STIM1: variants seen among roughly 807,000 people sequenced by gnomAD.
STIM1 encodes the protein stromal interaction molecule 1.
Under a neutral mutation model 74.7 loss-of-function variants are expected in STIM1, and 25 were observed. The ratio of observed to expected loss-of-function variants is 0.33; its 90% CI spans 0.24 to 0.47. STIM1 has a LOEUF of 0.47. Among genes scored for constraint, STIM1 ranks in the 20% least tolerant of loss-of-function variants. The pLI, the probability that STIM1 is intolerant of heterozygous loss-of-function variation, is 1.00. For synonymous variants in STIM1, 328 were observed against 348.8 expected (o/e 0.94, Z 0.66); for missense variants, 728 against 920.8 (o/e 0.79, Z 2.71).
intron 4 of STIM1, among the ~76,000 whole-genome samples, chr11:4,057,762 C>T (rs1310508407): frequency 2.0e-5 from 3 of 150,520 alleles, no homozygotes; most frequent in Non-Finnish European, 2.9e-5. Context: ...CCCAGCTACT[C>T]GGGAGGCTGA....
intron 1 of STIM1, among the ~76,000 whole-genome samples, chr11:3,875,658 C>T (rs1375521701): frequency 2.0e-5 from 3 of 150,416 alleles, no homozygotes; most frequent in Non-Finnish European, 4.4e-5. Flanking sequence ...CCTGGGAGGC[C>T]GAGGCTAAAT....
intron 2 of STIM1, among the ~76,000 whole-genome samples, chr11:4,021,728 GA>G (rs748355295): frequency 6.6e-6 from 1 of 152,060 alleles, no homozygotes. Flanking sequence ...GAATGTCACT[GA>G]AATTTAGATA....
chr11:3,971,413 T>C (rs1047368548), intron 2 of STIM1, among the ~76,000 whole-genome samples: 54 of 152,048 alleles, frequency 3.6e-4, no homozygotes, highest in African/African-American at 5.3e-4. Context: ...CCTGTAGTCC[T>C]AGCTACTCTG....
At chr11:3,982,210 A>G (rs1216980772) in intron 2 of STIM1, among the ~76,000 whole-genome samples, 1 of 151,650 alleles carries the variant, frequency 6.6e-6, no homozygotes, top group Non-Finnish European at 1.5e-5. Flanking sequence ...TATTTTTTGT[A>G]GAGACGGGGT....
At chr11:3,928,297 C>T (rs11030286) in intron 1 of STIM1, among the ~76,000 whole-genome samples, 6,429 of 151,088 alleles carry the variant, frequency 0.043, 256 homozygotes, top group East Asian at 0.18. Context: ...GCAATCTCGG[C>T]TCAGTGCAAC....
chr11:4,091,845 TTC>T lies in STIM1; in HGVS notation c.*49_*50del, dbSNP rs771327026. The T allele has an allele frequency of 8.8e-6, 14 of 1,597,974 alleles. No homozygotes were observed. Among genetic ancestry groups the T allele is most frequent in the Non-Finnish European group, 1.1e-5 (13 of 1,179,238 alleles). ...GGGACAGCTTGTCCTTCCCTGGGTGTTCTGTCTCTCCTTCCCTCCCTTCCTTC... is the reference window on the plus strand; with the variant it reads ...GGGACAGCTTGTCCTTCCCTGGGTGTTGTCTCTCCTTCCCTCCCTTCCTTC... On this transcript the variant is annotated 3_prime_UTR_variant, in exon 13 of 13. Transcript: ENST00000526596.
At chr11:3,934,975 G>C (rs561603049) in intron 1 of STIM1, among the ~76,000 whole-genome samples, 1 of 152,354 alleles carries the variant, frequency 6.6e-6, no homozygotes, top group East Asian at 1.9e-4. Context: ...AGTGCAAGGT[G>C]AGCAAATGGA....
At chr11:3,896,120 G>A (rs1428584074) in intron 1 of STIM1, among the ~76,000 whole-genome samples, 2 of 151,862 alleles carry the variant, frequency 1.3e-5, no homozygotes, top group African/African-American at 4.8e-5. Flanking sequence ...TAGCCAGGAC[G>A]GTCTTGATCT....
rs1355510063 is a variant in STIM1, at chr11:4,086,483, G to A, written c.1574G>A (p.Ser525Asn). 1.2e-6 allele frequency: 2 copies of A among 1,613,910 alleles called. No individual in the cohort carries two copies. Among genetic ancestry groups the A allele is most frequent in the Non-Finnish European group, 1.7e-6 (2 of 1,180,006 alleles). ...DQSLWKYPAP[S>N]LQSSVRQRLT... is the part of the protein sequence containing the mutation. ...TTCTTTATTCTCCTTGCAGCCCCTA[G>A]CCTGCAGAGCAGTGTTCGGCAGCGC... Residue 525 changes from serine (S) to asparagine (N), a missense_variant, in exon 12 of 13, where the codon AGC becomes AAC. Coordinates refer to ENST00000526596, the MANE Select transcript of STIM1 (RefSeq NM_001382567.1).
At chr11:4,041,248 C>G (rs2094144727) in intron 3 of STIM1, among the ~76,000 whole-genome samples, 1 of 152,170 alleles carries the variant, frequency 6.6e-6, no homozygotes, top group Non-Finnish European at 1.5e-5. Context: ...ATATTATATT[C>G]ATTTGTTTCC....
At chr11:4,065,636 G>C (rs993695138) in intron 5 of STIM1, among the ~76,000 whole-genome samples, 2 of 152,060 alleles carry the variant, frequency 1.3e-5, no homozygotes, top group Non-Finnish European at 2.9e-5. Context: ...AAGGAGGCTG[G>C]GCCTCTCCAG....
At chr11:3,884,896 A>G (rs1320259553) in intron 1 of STIM1, among the ~76,000 whole-genome samples, 4 of 152,230 alleles carry the variant, frequency 2.6e-5, no homozygotes, top group African/African-American at 9.6e-5. Context: ...ATGCTAAGTG[A>G]AAAGGCTACA....
chr11:4,021,891 CT>C (rs1490034649), intron 2 of STIM1, among the ~76,000 whole-genome samples: 2 of 152,064 alleles, frequency 1.3e-5, no homozygotes, highest in Non-Finnish European at 2.9e-5. Flanking sequence ...TTGTAGAGAT[CT>C]TTTACCTCCT....
chr11:3,944,608 A>G (rs1376107365), intron 1 of STIM1, among the ~76,000 whole-genome samples: 2 of 152,234 alleles, frequency 1.3e-5, no homozygotes, highest in Admixed American at 6.5e-5. Flanking sequence ...GCACAATTTA[A>G]GTAAGAGACT....
intron 12 of STIM1, among the ~76,000 whole-genome samples, chr11:4,087,132 AT>A (rs1361293629): frequency 6.6e-6 from 1 of 152,066 alleles, no homozygotes; most frequent in African/African-American, 2.4e-5. Context: ...GCACTTTCAC[AT>A]TAGTTATCTC....
At chr11:3,905,028 GAA>G (rs759803866) in intron 1 of STIM1, among the ~76,000 whole-genome samples, 9 of 152,124 alleles carry the variant, frequency 5.9e-5, no homozygotes, top group Non-Finnish European at 8.8e-5. Flanking sequence ...TGTGTGGACA[GAA>G]AAGTTAGGGA....
intron 2 of STIM1, among the ~76,000 whole-genome samples, chr11:3,994,876 C>T (rs2093649485): frequency 6.6e-6 from 1 of 152,090 alleles, no homozygotes; most frequent in African/African-American, 2.4e-5. Context: ...CTCTATCAGT[C>T]TCTCTTGAAG....
intron 2 of STIM1, among the ~76,000 whole-genome samples, chr11:3,990,765 TCTC>T (rs1220707947): frequency 6.6e-6 from 1 of 152,248 alleles, no homozygotes; most frequent in Non-Finnish European, 1.5e-5. Context: ...AGAAATATTT[TCTC>T]AGATCCTTTG....
intron 1 of STIM1, among the ~76,000 whole-genome samples, chr11:3,917,439 T>TTTC (rs2092661711): frequency 6.6e-6 from 1 of 151,368 alleles, no homozygotes; most frequent in African/African-American, 2.4e-5. Flanking sequence ...GTTTCTGTTT[T>TTTC]TTTTTTTTTT....
Sources: gnomAD v4.1 joint callset for allele counts (sites outside exome capture counted in the v4.1 genomes callset) on GRCh38, gnomAD v4.1.1 for gene constraint, MANE v1.5 for transcripts, NCBI Gene and HGNC (gene_info 2026-07-23, HGNC 2026-07-21) for gene names.